Variants in ZNF600 observed in about 807,000 individuals in gnomAD.
ZNF600 encodes the protein zinc finger protein KR-ZNF1.
A neutral mutation model predicts 7.3 loss-of-function variants in ZNF600; 4 were observed. The ratio of observed to expected loss-of-function variants is 0.55; its 90% confidence interval spans 0.27 to 1.25. The LOEUF is 1.25. Among genes scored for constraint, ZNF600 ranks in the 50% most tolerant of loss-of-function variants. ZNF600 has a pLI of 0.12. For missense variants in ZNF600, 911 were observed against 922.1 expected (o/e 0.99, Z 0.16); for synonymous variants, 290 against 308.9 (o/e 0.94, Z 0.64).
the ZNF600 span, among the ~76,000 whole-genome samples, chr19:52,812,433 C>A: frequency 8.0e-6 from 1 of 124,798 alleles, no homozygotes. Context: ...AAAAATACTT[C>A]TGCCTTGGGA....
the ZNF600 span, among the ~76,000 whole-genome samples, chr19:52,804,093 T>C: frequency 2.0e-5 from 3 of 152,214 alleles, no homozygotes; most frequent in South Asian, 2.1e-4. Context: ...ATAGGACTAG[T>C]GCATTTATAG....
chr19:52,784,405 C>T (rs939624302), intron 1 of ZNF600, among the ~76,000 whole-genome samples: 1 of 151,990 alleles, frequency 6.6e-6, no homozygotes, highest in East Asian at 1.9e-4. Context: ...GACCCTGTCT[C>T]AAAATATAAA....
At chr19:52,821,219 G>A in the ZNF600 span, among the ~76,000 whole-genome samples, 2 of 152,106 alleles carry the variant, frequency 1.3e-5, no homozygotes, top group African/African-American at 4.8e-5. Flanking sequence ...TGGGGTCGCC[G>A]CGCTGTGCTC....
chr19:52,780,392 A>C (rs1366843176), intron 1 of ZNF600, among the ~76,000 whole-genome samples, 189 bp downstream of exon 3: 4 of 152,124 alleles, frequency 2.6e-5, no homozygotes, highest in Non-Finnish European at 5.9e-5. Flanking sequence ...AGGGGAAGAG[A>C]GTCCTAGAGA....
the ZNF600 span, among the ~76,000 whole-genome samples, chr19:52,832,250 C>T: frequency 1.3e-5 from 2 of 152,222 alleles, no homozygotes; most frequent in East Asian, 3.9e-4. Flanking sequence ...GATAAAGCAT[C>T]CTGTACCACT....
intron 3 of ZNF600, among the ~76,000 whole-genome samples, chr19:52,772,682 G>A (rs758700807): frequency 4.6e-5 from 7 of 152,108 alleles, no homozygotes; most frequent in Non-Finnish European, 8.8e-5. Context: ...AAGCAGGCCC[G>A]CGGTGTTCAT....
the ZNF600 span, among the ~76,000 whole-genome samples, chr19:52,813,031 A>C: frequency 6.6e-6 from 1 of 151,854 alleles, no homozygotes; most frequent in Non-Finnish European, 1.5e-5. Flanking sequence ...CAATTTATAC[A>C]TTGTGAAAAG....
At chr19:52,777,118 G>C (rs1363700200) in intron 2 of ZNF600, among the ~76,000 whole-genome samples, 1 of 152,046 alleles carries the variant, frequency 6.6e-6, no homozygotes, top group East Asian at 1.9e-4. Flanking sequence ...TGGTGGCTCA[G>C]GCCTGTAATC....
chr19:52,777,298 AAGCCAG>A (rs2062683894), intron 2 of ZNF600, among the ~76,000 whole-genome samples: 1 of 152,194 alleles, frequency 6.6e-6, no homozygotes, highest in Non-Finnish European at 1.5e-5. Context: ...GAATTGCTTG[AAGCCAG>A]AAGGCAGAGG....
At chr19:52,769,607 C>G (rs1410177883) in intron 3 of ZNF600, among the ~76,000 whole-genome samples, 1 of 152,160 alleles carries the variant, frequency 6.6e-6, no homozygotes, top group Non-Finnish European at 1.5e-5. Flanking sequence ...ATCTCTGCAT[C>G]TTGCTGGCAG....
At chr19:52,778,095 C>A (rs62117457) in intron 2 of ZNF600, among the ~76,000 whole-genome samples, 3,847 of 152,042 alleles carry the variant, frequency 0.025, 79 homozygotes, top group African/African-American at 0.054. Flanking sequence ...CATACAGTAA[C>A]CTCCACGTCC....
intron 3 of ZNF600, among the ~76,000 whole-genome samples, chr19:52,773,404 T>C (rs1280783741): frequency 6.6e-6 from 1 of 152,192 alleles, no homozygotes; most frequent in East Asian, 1.9e-4. Flanking sequence ...TTAAATTAAA[T>C]GCCTCTGATT....
exon 4 of ZNF600, chr19:52,765,418 A>C (rs1455449721): frequency 9.2e-7 from 1 of 1,092,256 alleles, no homozygotes; most frequent in African/African-American, 1.5e-5. Context: ...CAGTCATGAC[A>C]TTTGTAAGGT....
chr19:52,790,872 G>A (rs968329980), upstream of ZNF600, among the ~76,000 whole-genome samples: 1 of 151,788 alleles, frequency 6.6e-6, no homozygotes, highest in Admixed American at 6.6e-5. Flanking sequence ...GTAGAGATGA[G>A]GTTTCACCAT....
the ZNF600 span, chr19:52,799,150 G>A: frequency 2.5e-6 from 1 of 401,472 alleles, no homozygotes; most frequent in Non-Finnish European, 4.9e-6. Context: ...AGGTGTGACT[G>A]TTGATTAAAA....
At chr19:52,800,406 G>T in the ZNF600 span, 3 of 1,614,050 alleles carry the variant, frequency 1.9e-6, no homozygotes, top group Non-Finnish European at 2.5e-6. Context: ...TTCAAGGTGT[G>T]ATTTGCACCT....
At chr19:52,784,124 C>T (rs572640380) in intron 1 of ZNF600, among the ~76,000 whole-genome samples, 169 of 152,264 alleles carry the variant, frequency 1.1e-3, no homozygotes, top group Admixed American at 2.0e-3. Flanking sequence ...CATGGCGGCT[C>T]ATCCCTGTAA....
At chr19:52,774,340 A>C (rs931393606) in intron 3 of ZNF600, among the ~76,000 whole-genome samples, 6 of 151,476 alleles carry the variant, frequency 4.0e-5, no homozygotes, top group Non-Finnish European at 8.8e-5. Context: ...GAGGCAGGAG[A>C]ATTGCTTGAA....
At chr19:52,794,480 T>A in the ZNF600 span, among the ~76,000 whole-genome samples, 1 of 152,198 alleles carries the variant, frequency 6.6e-6, no homozygotes, top group African/African-American at 2.4e-5. Context: ...AAGCTCCGAG[T>A]TGAGTCAGAA....
Sources: gnomAD v4.1 joint callset for allele counts (sites outside exome capture counted in the v4.1 genomes callset) on GRCh38, gnomAD v4.1.1 for gene constraint, MANE v1.5 for transcripts, NCBI Gene and HGNC (gene_info 2026-07-23, HGNC 2026-07-21) for gene names.